TUBGCP4: variants seen among roughly 807,000 people sequenced by gnomAD.
TUBGCP4 encodes the protein gamma-tubulin complex component 4.
A neutral mutation model predicts 91.6 loss-of-function variants in TUBGCP4; 54 were observed. That is an observed-to-expected ratio of 0.59 (90% CI 0.47 to 0.74). TUBGCP4 has a LOEUF of 0.74. Among genes scored for constraint, TUBGCP4 ranks in the 30% least tolerant of loss-of-function variants. TUBGCP4 has a pLI of 0.00. For synonymous variants in TUBGCP4, 297 were observed against 302.8 expected (o/e 0.98, Z 0.20); for missense variants, 593 against 800.9 (o/e 0.74, Z 3.13).
At position 43,385,835 on chromosome 15, in the gene TUBGCP4, G is replaced by C; in HGVS notation, c.768G>C (p.Gln256His). The C allele has an allele frequency of 1.9e-6, 3 of 1,614,150 alleles. No individual in the cohort carries two copies. The highest frequency in any genetic ancestry group is 2.5e-6 in the Non-Finnish European group (3 of 1,180,016). Residue 256 changes from glutamine to histidine, a missense_variant, in exon 8 of 18, where the codon CAG becomes CAC. Gln to His is a conservative substitution (Grantham distance 24). Transcript: ENST00000564079. Reference protein sequence around the residue: ...EENMLAPSLKQFSLRVEILPS... With the variant: ...EENMLAPSLKHFSLRVEILPS... ...ACATGCTGGCACCATCTCTGAAGCA[G>C]TTTTCCCTACGAGTGGAGATTTTGC...
chr15:43,375,604 A>T (rs910784346), intron 1 of TUBGCP4, among the ~76,000 whole-genome samples: 2 of 152,236 alleles, frequency 1.3e-5, no homozygotes, highest in Admixed American at 6.5e-5. Flanking sequence ...GCATTTACAG[A>T]TAATAGGTAT....
At position 43,407,818 on chromosome 15, in the gene TUBGCP4, TTTC is replaced by T. The variant is rs1360206265; in HGVS notation, c.*2609_*2611del. On this transcript the variant is annotated 3_prime_UTR_variant, in exon 18 of 18. Transcript: ENST00000564079. ...TGACTCACCTCTTGAAGGTGGTACT[TTTC>T]TTCTCTAAGAAACATGGATACGGTC... The T allele has an allele frequency of 1.9e-6, 2 of 1,056,636 alleles. No homozygotes were observed. Among genetic ancestry groups the T allele is most frequent in the Middle Eastern group, 2.2e-4 (1 of 4,604 alleles). 65.5% of individuals were successfully genotyped at this position (1,056,636 alleles called of 1,614,324 possible).
intron 13 of TUBGCP4, chr15:43,399,190 T>A: frequency 8.2e-7 from 1 of 1,212,500 alleles, no homozygotes; most frequent in Non-Finnish European, 1.1e-6. Flanking sequence ...TAAATCCTAT[T>A]CTACCAGGAA....
At chr15:43,404,301 CTGTAGAATT>C in intron 16 of TUBGCP4, 103 bp from the exon 17 acceptor site, 1 of 1,346,348 alleles carries the variant, frequency 7.4e-7, no homozygotes, top group Non-Finnish European at 1.0e-6. Flanking sequence ...CCAGGTGGTT[CTGTAGAATT>C]TTGAACAAGG....
chr15:43,374,604 C>T (rs1755977329), intron 1 of TUBGCP4, among the ~76,000 whole-genome samples: 1 of 151,852 alleles, frequency 6.6e-6, no homozygotes, highest in African/African-American at 2.4e-5. Context: ...AGAGTGAAAC[C>T]TTGTCTCTAA....
At chr15:43,377,684 G>A (rs914700525) in intron 4 of TUBGCP4, 163 bp from the exon 5 acceptor site, 7 of 576,386 alleles carry the variant, frequency 1.2e-5, no homozygotes, top group East Asian at 1.0e-4. Context: ...TATCTGCAGC[G>A]AACCTCCACA....
rs768935265 is a variant in TUBGCP4, at chr15:43,409,022, G to A, written c.*3808G>A. ...CATGAGACACACAAGGAATCCCACT[G>A]GCAAGGCACAGGAAGTACTTCCGGG... On this transcript the variant is annotated 3_prime_UTR_variant, in exon 18 of 18. Coordinates refer to ENST00000564079, the MANE Select transcript of TUBGCP4 (RefSeq NM_014444.5). The A allele has an allele frequency of 6.2e-7, 1 of 1,614,178 alleles. No individual in the cohort carries two copies. The highest frequency in any genetic ancestry group is 1.7e-5 in the Admixed American group (1 of 60,026).
In TUBGCP4 at chr15:43,405,314, G is replaced by C; in HGVS notation, c.*100G>C. Reference sequence around the variant, plus strand: ...TAGCCACACACAAATAAATATCTGCGGCTTAGTGATAGGACTCTACCTTTT... The same window carrying C: ...TAGCCACACACAAATAAATATCTGCCGCTTAGTGATAGGACTCTACCTTTT... On this transcript the variant is annotated 3_prime_UTR_variant, in exon 18 of 18. Transcript: ENST00000564079. 10 of 1,391,098 alleles carry C rather than the reference G, an allele frequency of 7.2e-6. No individual in the cohort carries two copies. Among genetic ancestry groups the C allele is most frequent in the Non-Finnish European group, 1.0e-5 (10 of 983,560 alleles). The allele number at this position is 1,391,098 out of a possible 1,614,324, so 86.2% of individuals were successfully genotyped here.
intron 9 of TUBGCP4, 47 bp downstream of exon 9, chr15:43,386,377 ATTTTT>A (rs748820688): frequency 3.7e-4 from 7 of 19,112 alleles, no homozygotes; most frequent in African/African-American, 1.2e-3. Flanking sequence ...ATATATATAT[ATTTTT>A]TTTTTTTTTT....
rs774790822 is a variant in TUBGCP4 at position 43,383,312 on chromosome 15, C to G, written c.531C>G (p.Ala177=). 1.9e-6 allele frequency: 3 copies of G among 1,612,692 alleles called. No individual in the cohort carries two copies. The highest frequency in any genetic ancestry group is 2.5e-6 in the Non-Finnish European group (3 of 1,179,142). ...PVRSALEKIL[A]VCHGVMYKQL... is the part of the protein sequence containing the mutation. ...TTTCTACTCTGCCCAGAATCCTGGC[C>G]GTTTGTCATGGGGTCATGTATAAAC... is the stretch of plus-strand genomic sequence containing the variant. The change falls in exon 7 of 18, where the codon GCC becomes GCG. Residue 177 remains alanine, a synonymous_variant. Transcript: ENST00000564079.
At position 43,371,371 on chromosome 15, in the gene TUBGCP4, T is replaced by A. The variant is rs771570959; in HGVS notation, c.17T>A (p.Leu6His). MIHELLLALSGYPGSI... is the reference protein window; with the variant it reads MIHELHLALSGYPGSI... Reference sequence around the variant, plus strand: ...GCCGTGGGAATGATCCACGAACTGCTCTTGGCTCTGAGCGGGTACCCTGGG... The same window carrying A: ...GCCGTGGGAATGATCCACGAACTGCACTTGGCTCTGAGCGGGTACCCTGGG... The change falls in exon 1 of 18, where the codon CTC (leucine) becomes CAC (histidine). Residue 6 changes from leucine to histidine, a missense_variant. Leu to His is a moderately conservative substitution (Grantham distance 99). Coordinates refer to ENST00000564079, the MANE Select transcript of TUBGCP4 (RefSeq NM_014444.5). 3 of 1,613,704 alleles carry A rather than the reference T, an allele frequency of 1.9e-6. No homozygotes were observed. Among genetic ancestry groups the A allele is most frequent in the Non-Finnish European group, 2.5e-6 (3 of 1,179,922 alleles).
Position 43,407,473 on chromosome 15 carries a change from T to C in TUBGCP4, c.*2259T>C. On this transcript the variant is annotated 3_prime_UTR_variant, in exon 18 of 18. Coordinates refer to ENST00000564079, the MANE Select transcript of TUBGCP4 (RefSeq NM_014444.5). ...TGAGGCACTGGATCACCCACTCTTG[T>C]GACACCACAGGCAGCTGCAATGCTT... The C allele has an allele frequency of 6.2e-7, 1 of 1,614,216 alleles. No individual in the cohort carries two copies. Among genetic ancestry groups the C allele is most frequent in the South Asian group, 1.1e-5 (1 of 91,086 alleles).
chr15:43,390,785 A>C (rs1359701875), intron 9 of TUBGCP4, among the ~76,000 whole-genome samples: 1 of 152,114 alleles, frequency 6.6e-6, no homozygotes, highest in Non-Finnish European at 1.5e-5. Flanking sequence ...CTGGGATTAT[A>C]GGCGTGAGCC....
Position 43,386,258 on chromosome 15 carries a change from C to G in TUBGCP4, c.942C>G (p.Leu314=). 1.2e-6 allele frequency: 2 copies of G among 1,603,562 alleles called. No homozygotes were observed. Among genetic ancestry groups the G allele is most frequent in the Admixed American group, 1.7e-5 (1 of 58,996 alleles). ...CTTTTGCTGCAGAGCTGCACCGTCT[C>G]AAGCAGCAGCCACTCTTCAGCTTGG... ...EDTFAAELHR[L]KQQPLFSLVD... is the part of the protein sequence containing the mutation. Residue 314 remains leucine (L), a synonymous_variant, in exon 9 of 18, where the codon CTC becomes CTG. Transcript: ENST00000564079.
intron 9 of TUBGCP4, among the ~76,000 whole-genome samples, chr15:43,387,456 A>ATTTTATT: frequency 6.6e-6 from 1 of 152,142 alleles, no homozygotes; most frequent in Non-Finnish European, 1.5e-5. Flanking sequence ...GCATGAGAAA[A>ATTTTATT]TTTTATTTTT....
At position 43,405,466 on chromosome 15, in the gene TUBGCP4, A is replaced by T. The variant is rs977473104; in HGVS notation, c.*252A>T. Reference sequence around the variant, plus strand: ...CCTTTACATTGAGAACATTTGTTGGATATGTTCATTTATTCAATAGTCATT... The same window carrying T: ...CCTTTACATTGAGAACATTTGTTGGTTATGTTCATTTATTCAATAGTCATT... On this transcript the variant is annotated 3_prime_UTR_variant, in exon 18 of 18. Coordinates refer to ENST00000564079, the MANE Select transcript of TUBGCP4 (RefSeq NM_014444.5). 1 of 564,462 alleles carries T rather than the reference A, an allele frequency of 1.8e-6. No homozygotes were observed. The highest frequency in any genetic ancestry group is 1.9e-5 in the African/African-American group (1 of 53,220). 35.0% of individuals were successfully genotyped at this position (564,462 alleles called of 1,614,324 possible).
chr15:43,392,898 T>C (rs2044501482), intron 9 of TUBGCP4, among the ~76,000 whole-genome samples: 1 of 152,204 alleles, frequency 6.6e-6, no homozygotes, highest in African/African-American at 2.4e-5. Context: ...CCATCCTTTA[T>C]CTGCAACCTT....
At chr15:43,391,302 C>T (rs1451431248) in intron 9 of TUBGCP4, 1 of 152,214 alleles carries the variant, frequency 6.6e-6, no homozygotes, top group Non-Finnish European at 1.5e-5. Context: ...TAGGGTAAAG[C>T]AATCCTCCTC....
chr15:43,371,494 C>A, intron 1 of TUBGCP4, 62 bp downstream of exon 1: 10 of 1,554,870 alleles, frequency 6.4e-6, no homozygotes, highest in Non-Finnish European at 8.8e-6. Flanking sequence ...GAGCCAGCGC[C>A]TGGGGGAGTA....
Sources: gnomAD v4.1 joint callset for allele counts (sites outside exome capture counted in the v4.1 genomes callset) on GRCh38, gnomAD v4.1.1 for gene constraint, MANE v1.5 for transcripts, NCBI Gene and HGNC (gene_info 2026-07-23, HGNC 2026-07-21) for gene names.